ANKRD46: variants seen among roughly 807,000 people sequenced by gnomAD.
The protein encoded by ANKRD46 is ankyrin repeat domain 46, also known as ankyrin repeat domain-containing protein 46.
Under a neutral mutation model 19.8 loss-of-function variants are expected in ANKRD46, and 13 were observed. That is an observed-to-expected ratio of 0.66 (90% CI 0.43 to 1.04). The LOEUF (loss-of-function observed/expected upper bound fraction) is 1.04, where lower values mean the gene tolerates loss of function less well. ANKRD46 is among the 50% of genes least tolerant of loss of function. The probability of loss-of-function intolerance (pLI) is 0.00; values close to 1 mark genes in which losing one functional copy is unlikely to be tolerated. For synonymous variants in ANKRD46, 91 were observed against 106.9 expected, an observed-to-expected ratio of 0.85 and a Z score of 0.92; for missense variants, 185 against 274.8, an observed-to-expected ratio of 0.67 and a Z score of 2.31.
intron 1 of ANKRD46, chr8:100,551,596 G>A (rs1011523710): frequency 5.4e-6 from 4 of 735,196 alleles, no homozygotes; most frequent in Non-Finnish European, 9.6e-6. Context: ...ATGTAGTTGA[G>A]GTCAATGAAG....
At position 100,544,648 on chromosome 8, in the gene ANKRD46, G is replaced by T. The variant is rs1413270469; in HGVS notation, c.-130-11337C>A. 6.6e-6 allele frequency among the ~76,000 whole-genome samples: 1 copy of T among 152,126 alleles called. No individual in the cohort carries two copies. Among genetic ancestry groups the T allele is most frequent in the East Asian group, 1.9e-4 (1 of 5,198 alleles). On this transcript the variant is annotated intron_variant, in intron 1 of 4. Coordinates refer to ENST00000335659, the MANE Select transcript of ANKRD46 (RefSeq NM_001270377.2). This position sits in a 1 kb window ranked among gnomAD's most constrained non-coding sequence, Gnocchi z 4.4. The stretch of plus-strand genomic sequence containing the variant: ...GGTCCTAACTCGGCCATTTTCTAAG[G>T]CACTATCTTGAGTAGTCCAACTCTA...
chr8:100,520,660 T>C (rs1347212036), downstream of ANKRD46: 2 of 350,808 alleles, frequency 5.7e-6, no homozygotes, highest in Non-Finnish European at 7.9e-6. Flanking sequence ...CCTAATACAT[T>C]AGGTTTGAAA....
At chr8:100,523,627 C>A (rs11786207) in intron 4 of ANKRD46, among the ~76,000 whole-genome samples, 3,656 of 152,148 alleles carry the variant, frequency 0.024, 58 homozygotes, top group Middle Eastern at 0.048. Flanking sequence ...TACATGTGGA[C>A]TCGTCTAGTC....
intron 4 of ANKRD46, among the ~76,000 whole-genome samples, chr8:100,523,879 G>C (rs916709698): frequency 1.3e-5 from 2 of 152,126 alleles, no homozygotes; most frequent in African/African-American, 4.8e-5. Flanking sequence ...CCTGAGTTTA[G>C]GTGATCCACC....
At chr8:100,533,908 C>T (rs1380790245) in intron 1 of ANKRD46, among the ~76,000 whole-genome samples, 1 of 152,206 alleles carries the variant, frequency 6.6e-6, no homozygotes, top group Non-Finnish European at 1.5e-5. Context: ...TTTACATAGC[C>T]TGACGCTGCT....
At position 100,522,761 on chromosome 8, in the gene ANKRD46, T is replaced by C; in HGVS notation, c.481A>G (p.Ser161Gly). The C allele has an allele frequency of 1.9e-6, 3 of 1,613,776 alleles. No homozygotes were observed. Among genetic ancestry groups the C allele is most frequent in the Non-Finnish European group, 1.7e-6 (2 of 1,179,996 alleles). The change falls in exon 5 of 5, where the codon AGC (serine) becomes GGC (glycine). Residue 161 changes from serine to glycine, a missense_variant. Ser to Gly is a moderately conservative substitution (Grantham distance 56). Coordinates refer to ENST00000335659, the MANE Select transcript of ANKRD46 (RefSeq NM_001270377.2). ...AGGTTGGGATTGAGGAGTGAATGGC[T>C]TTCCATGGCACTGTGGAAGAAGAAA... The part of the protein sequence containing the change: ...QTAESESAME[S>G]HSLLNPNLQQ...
In ANKRD46 at chr8:100,528,005, T is replaced by TAA. The variant is rs746946951; in HGVS notation, c.312-4_312-3dup. The stretch of plus-strand genomic sequence containing the variant: ...AAAGGGGTAGCACCTTGATGATTGC[T>TAA]AAAAAAAAAAAAAAAAAAAAAAGTT... On this transcript the variant is annotated splice_region_variant and splice_polypyrimidine_tract_variant and intron_variant, in intron 3 of 4. Coordinates refer to ENST00000335659, the MANE Select transcript of ANKRD46 (RefSeq NM_001270377.2). 4,219 of 1,154,676 alleles carry TAA rather than the reference T, an allele frequency of 3.7e-3. 1 individual carries two copies. Among genetic ancestry groups the TAA allele is most frequent in the South Asian group, 0.012 (391 of 33,664 alleles). The allele number at this position is 1,154,676 out of a possible 1,614,324, so 71.5% of individuals were successfully genotyped here.
Position 100,521,586 on chromosome 8 carries a change from C to T in ANKRD46, c.*969G>A. 1.0e-6 allele frequency: 1 copy of T among 985,422 alleles called. No individual in the cohort carries two copies. Among genetic ancestry groups the T allele is most frequent in the Non-Finnish European group, 1.2e-6 (1 of 829,906 alleles). 61.0% of individuals were successfully genotyped at this position (985,422 alleles called of 1,614,324 possible). A position where few individuals can be genotyped will look rare whatever the true frequency, so the allele number is the denominator to read the frequency against. ...ATCCATTCTTGCCATCAGAGAATTA[C>T]AGATATGGATGGGATTGTTAAAAGT... On this transcript the variant is annotated 3_prime_UTR_variant, in exon 5 of 5. Coordinates refer to ENST00000335659, the MANE Select transcript of ANKRD46 (RefSeq NM_001270377.2).
Position 100,546,631 on chromosome 8 carries a change from C to A in ANKRD46, c.-131+13080G>T, listed in dbSNP as rs1237270042. On this transcript the variant is annotated intron_variant, in intron 1 of 4. Transcript: ENST00000335659. This position sits in a 1 kb window ranked among gnomAD's most constrained non-coding sequence, Gnocchi z 4.0. ...GAAATGTAGGGTTGGAGCCCCCACA[C>A]AGAGTCCCCACTGGAGTGCTGCCTA... 4.6e-5 allele frequency among the ~76,000 whole-genome samples: 7 copies of A among 152,244 alleles called. No homozygotes were observed. The highest frequency in any genetic ancestry group is 7.3e-5 in the Non-Finnish European group (5 of 68,040).
In ANKRD46 at chr8:100,522,778, A is replaced by G; in HGVS notation, c.471-7T>C. On this transcript the variant is annotated splice_polypyrimidine_tract_variant and splice_region_variant and intron_variant, in intron 4 of 4. Transcript: ENST00000335659. The stretch of plus-strand genomic sequence containing the variant: ...TGAATGGCTTTCCATGGCACTGTGG[A>G]AGAAGAAAGAGCAAAAAGGGCATTA... 1 of 1,612,686 alleles carries G rather than the reference A, an allele frequency of 6.2e-7. No individual in the cohort carries two copies. The highest frequency in any genetic ancestry group is 8.5e-7 in the Non-Finnish European group (1 of 1,179,194).
At chr8:100,526,662 T>A (rs145490473) in intron 4 of ANKRD46, among the ~76,000 whole-genome samples, 98 of 152,276 alleles carry the variant, frequency 6.4e-4, no homozygotes, top group Non-Finnish European at 7.9e-4. Context: ...TGCTTGAAAG[T>A]ATCTGAACAA....
intron 3 of ANKRD46, among the ~76,000 whole-genome samples, chr8:100,528,524 T>C (rs1282066553): frequency 3.3e-5 from 5 of 151,568 alleles, no homozygotes; most frequent in Non-Finnish European, 5.9e-5. Flanking sequence ...TTTCTTTTTT[T>C]TTTTTTTTTT....
intron 2 of ANKRD46, among the ~76,000 whole-genome samples, chr8:100,530,390 T>TA (rs869087527): frequency 2.3e-4 from 2 of 8,790 alleles, no homozygotes. Context: ...TATAGCACAA[T>TA]TTTTTTTTTT....
chr8:100,530,487 G>A (rs951685820), intron 2 of ANKRD46, among the ~76,000 whole-genome samples: 3 of 151,902 alleles, frequency 2.0e-5, no homozygotes, highest in Admixed American at 6.6e-5. Flanking sequence ...GAGTTCAAGC[G>A]ATTCTCCTGC....
At position 100,546,518 on chromosome 8, in the gene ANKRD46, A is replaced by T. The variant is rs1320256894; in HGVS notation, c.-131+13193T>A. On this transcript the variant is annotated intron_variant, in intron 1 of 4. Coordinates refer to ENST00000335659, the MANE Select transcript of ANKRD46 (RefSeq NM_001270377.2). This position sits in a 1 kb window ranked among gnomAD's most constrained non-coding sequence, Gnocchi z 4.0. ...GGAACCTCTGCCTAGATTTCAAAGGACATATGGAAATTCCTGGATGTCCAG... is the reference window on the plus strand; with the variant it reads ...GGAACCTCTGCCTAGATTTCAAAGGTCATATGGAAATTCCTGGATGTCCAG... 2.0e-5 allele frequency among the ~76,000 whole-genome samples: 3 copies of T among 152,260 alleles called. No homozygotes were observed. Among genetic ancestry groups the T allele is most frequent in the Non-Finnish European group, 2.9e-5 (2 of 68,050 alleles).
Position 100,525,791 on chromosome 8 carries a change from G to A in ANKRD46, c.470+2054C>T, listed in dbSNP as rs535091570. ...ACTGCTGGTCAGATGGTAACTCTAC[G>A]TGTAGCTTTTTGAAGGACTGCCAGA... On this transcript the variant is annotated intron_variant, in intron 4 of 4. Coordinates refer to ENST00000335659, the MANE Select transcript of ANKRD46 (RefSeq NM_001270377.2). The surrounding 1 kb of genome is among the most constrained non-coding windows in gnomAD (Gnocchi z 4.4). Among the ~76,000 whole-genome samples the A allele has an allele frequency of 5.9e-5, 9 of 152,238 alleles. No individual in the cohort carries two copies. The South Asian group carries it at 1.0e-3, about 18-fold the overall frequency.
intron 4 of ANKRD46, among the ~76,000 whole-genome samples, chr8:100,523,178 G>A (rs1266090604): frequency 6.6e-6 from 1 of 150,880 alleles, no homozygotes; most frequent in East Asian, 1.9e-4. Context: ...TTTTTAAGGT[G>A]TCCTGAGCAG....
intron 1 of ANKRD46, among the ~76,000 whole-genome samples, chr8:100,558,124 A>G (rs13274662): frequency 0.26 from 39,126 of 152,136 alleles, 5,899 homozygotes; most frequent in Middle Eastern, 0.37. Flanking sequence ...TCTTAAATCT[A>G]TAATAGGTAA....
At chr8:100,551,924 C>T (rs186615165) in intron 1 of ANKRD46, among the ~76,000 whole-genome samples, 1,740 of 152,124 alleles carry the variant, frequency 0.011, 38 homozygotes, top group African/African-American at 0.039. Context: ...CCAAGGTGGG[C>T]GGATCACCTG....
Sources: allele counts gnomAD v4.1 joint callset (sites outside exome capture counted in the v4.1 genomes callset), GRCh38; gene constraint gnomAD v4.1.1; non-coding constraint Gnocchi (gnomAD v3.1); transcripts MANE v1.5; gene names NCBI Gene and HGNC (gene_info 2026-07-23, HGNC 2026-07-21).